The following LINGO2 variants were observed in gnomAD, a reference collection of about 807,000 sequenced individuals.
The protein encoded by LINGO2 is leucine-rich repeat and immunoglobulin-like domain-containing nogo receptor-interacting protein 2.
Under a neutral mutation model 30.6 loss-of-function variants are expected in LINGO2, and 14 were observed. That is an observed-to-expected ratio of 0.46 (90% CI 0.30 to 0.72). LINGO2 has a LOEUF of 0.72. Ranked by LOEUF, LINGO2 falls within the 30% of genes least tolerant of loss-of-function variation. LINGO2 has a pLI of 0.07. For synonymous variants in LINGO2, 317 were observed against 288.5 expected (o/e 1.10, Z -1.00); for missense variants, 729 against 751.7 (o/e 0.97, Z 0.35).
intron 4 of LINGO2, among the ~76,000 whole-genome samples, chr9:28,178,180 G>C (rs968730027): frequency 2.0e-5 from 3 of 151,916 alleles, no homozygotes; most frequent in Non-Finnish European, 4.4e-5. Context: ...GACACCTCAG[G>C]GCATAAAACA....
At chr9:28,310,225 C>T (rs1824557051) in intron 3 of LINGO2, among the ~76,000 whole-genome samples, 1 of 152,132 alleles carries the variant, frequency 6.6e-6, no homozygotes, top group South Asian at 2.1e-4. Flanking sequence ...GACATACAAA[C>T]ACTTGTCCAC....
the LINGO2 span, among the ~76,000 whole-genome samples, chr9:28,983,801 A>G: frequency 6.6e-6 from 1 of 152,052 alleles, no homozygotes; most frequent in African/African-American, 2.4e-5. Flanking sequence ...ATTTACTCTA[A>G]TAAAAAATAA....
intron 4 of LINGO2, among the ~76,000 whole-genome samples, chr9:28,183,594 A>T (rs1396067067): frequency 6.6e-6 from 1 of 152,142 alleles, no homozygotes; most frequent in Non-Finnish European, 1.5e-5. Context: ...TGGCAGAGTT[A>T]AGTAGTGGCA....
chr9:28,379,206 G>A (rs1019289625), intron 2 of LINGO2, among the ~76,000 whole-genome samples: 1 of 152,026 alleles, frequency 6.6e-6, no homozygotes, highest in Admixed American at 6.6e-5. Context: ...TAGTCAGCAT[G>A]AAGCCATAAA....
chr9:28,345,617 A>C (rs867670434), intron 3 of LINGO2, among the ~76,000 whole-genome samples: 1 of 152,196 alleles, frequency 6.6e-6, no homozygotes, highest in Non-Finnish European at 1.5e-5. Context: ...CTTTTGAAGG[A>C]TGACTTCAGA....
intron 4 of LINGO2, among the ~76,000 whole-genome samples, chr9:28,167,527 T>C (rs1475234262): frequency 1.3e-5 from 2 of 152,162 alleles, no homozygotes. Context: ...ATTATAAGCA[T>C]GTGCCACCAC....
At chr9:28,632,570 A>G (rs1826999075) in intron 1 of LINGO2, among the ~76,000 whole-genome samples, 1 of 146,906 alleles carries the variant, frequency 6.8e-6, no homozygotes, top group African/African-American at 2.5e-5. Flanking sequence ...ATATCTCGAT[A>G]TACTATATAT....
the LINGO2 span, among the ~76,000 whole-genome samples, chr9:29,056,033 G>A: frequency 6.6e-6 from 1 of 151,260 alleles, no homozygotes; most frequent in Non-Finnish European, 1.5e-5. Flanking sequence ...CATCTGAGCA[G>A]GTTCCATAGT....
intron 1 of LINGO2, among the ~76,000 whole-genome samples, chr9:28,664,292 A>G (rs1022095389): frequency 6.6e-6 from 1 of 152,050 alleles, no homozygotes; most frequent in Non-Finnish European, 1.5e-5. Flanking sequence ...CTTCTAGGGG[A>G]GCTATCTGCA....
chr9:28,805,818 A>C, the LINGO2 span, among the ~76,000 whole-genome samples: 1 of 152,136 alleles, frequency 6.6e-6, no homozygotes, highest in East Asian at 1.9e-4. Context: ...TAAGACTGTG[A>C]TTAAGGTCAG....
chr9:29,057,965 A>T, the LINGO2 span, among the ~76,000 whole-genome samples: 1 of 152,244 alleles, frequency 6.6e-6, no homozygotes, highest in African/African-American at 2.4e-5. Flanking sequence ...TTTCAAGTAA[A>T]TAAACAAAAT....
chr9:28,156,686 A>G (rs1828140402), intron 4 of LINGO2, among the ~76,000 whole-genome samples: 1 of 152,258 alleles, frequency 6.6e-6, no homozygotes, highest in Non-Finnish European at 1.5e-5. Context: ...AGCCTGTAAA[A>G]TCAAAAGCAA....
At chr9:27,996,944 T>C (rs1272481428) in intron 5 of LINGO2, among the ~76,000 whole-genome samples, 1 of 152,190 alleles carries the variant, frequency 6.6e-6, no homozygotes, top group Non-Finnish European at 1.5e-5. Context: ...CTTTTAAAAA[T>C]TTGTATTTTC....
chr9:28,808,556 G>C, the LINGO2 span, among the ~76,000 whole-genome samples: 1 of 152,088 alleles, frequency 6.6e-6, no homozygotes, highest in Non-Finnish European at 1.5e-5. Context: ...TTTCTCACTG[G>C]ACTTACAATT....
chr9:28,565,439 C>A (rs1823323361), intron 1 of LINGO2, among the ~76,000 whole-genome samples: 1 of 151,724 alleles, frequency 6.6e-6, no homozygotes, highest in Admixed American at 6.6e-5. Flanking sequence ...CCTGCCTCAG[C>A]CTCCCAAAGT....
the LINGO2 span, among the ~76,000 whole-genome samples, chr9:28,707,946 T>G: frequency 6.6e-6 from 1 of 151,978 alleles, no homozygotes; most frequent in Non-Finnish European, 1.5e-5. Flanking sequence ...GCAAGTGAAA[T>G]TACACTGAAC....
chr9:29,109,700 A>G, the LINGO2 span, among the ~76,000 whole-genome samples: 1 of 152,236 alleles, frequency 6.6e-6, no homozygotes, highest in Non-Finnish European at 1.5e-5. Context: ...TACCATCTTC[A>G]TTTCGTAACA....
intron 4 of LINGO2, among the ~76,000 whole-genome samples, chr9:28,072,015 A>G (rs1020619225): frequency 6.6e-6 from 1 of 152,166 alleles, no homozygotes; most frequent in Non-Finnish European, 1.5e-5. Flanking sequence ...GATTTTCTTG[A>G]GACAAGATAT....
chr9:28,467,021 ACT>A (rs1825334912), intron 2 of LINGO2, among the ~76,000 whole-genome samples: 1 of 132,394 alleles, frequency 7.6e-6, no homozygotes, highest in African/African-American at 2.8e-5. Flanking sequence ...ACCCTAGCTG[ACT>A]CTCTTTTTTT....
Sources: allele counts gnomAD v4.1 joint callset (sites outside exome capture counted in the v4.1 genomes callset), GRCh38; gene constraint gnomAD v4.1.1; transcripts MANE v1.5; gene names NCBI Gene and HGNC (gene_info 2026-07-23, HGNC 2026-07-21).